RPS7: variants seen among roughly 807,000 people sequenced by gnomAD.
RPS7 encodes the protein ribosomal protein S7, also known as small ribosomal subunit protein eS7.
RPS7 carries 1 observed loss-of-function variant against 22.1 expected under a neutral mutation model. The ratio of observed to expected loss-of-function variants is 0.05; its 90% CI spans 0.02 to 0.21. The LOEUF (loss-of-function observed/expected upper bound fraction) is 0.21. RPS7 is among the 10% of genes least tolerant of loss of function. RPS7 has a pLI of 1.00. For synonymous variants in RPS7, 80 were observed against 92.0 expected, an observed-to-expected ratio of 0.87 and a Z score of 0.74; for missense variants, 137 against 246.4, an observed-to-expected ratio of 0.56 and a Z score of 2.97.
intron 3 of RPS7, chr2:3,576,117 G>C: frequency 1.6e-6 from 1 of 611,464 alleles, no homozygotes; most frequent in Non-Finnish European, 2.9e-6. Context: ...GAGAAACGTG[G>C]AGTAGGGAGG....
In RPS7 at chr2:3,575,371, C is replaced by A. The variant is rs542375330; in HGVS notation, c.-19+21C>A. On this transcript the variant is annotated intron_variant, in intron 1 of 6. Coordinates refer to ENST00000645674, the MANE Select transcript of RPS7 (RefSeq NM_001011.4). ...GCAAGGTAGGTTGGCGGCCTGCTCT[C>A]CGACAGAACTTTTCTTCTTGGGTTG... 1,063 of 558,530 alleles carry A rather than the reference C, an allele frequency of 1.9e-3. 7 individuals carry two copies. The highest frequency in any genetic ancestry group is 3.2e-3 in the Admixed American group (92 of 29,114). The allele number at this position is 558,530 out of a possible 1,614,324, so 34.6% of individuals were successfully genotyped here. A position where few individuals can be genotyped will look rare whatever the true frequency, so the allele number is the denominator to read the frequency against.
At position 3,575,907 on chromosome 2, in the gene RPS7, G is replaced by C; in HGVS notation, c.147+19G>C. On this transcript the variant is annotated intron_variant, in intron 3 of 6. Transcript: ENST00000645674. ...AGCTAAGGTAAGCTGGCGCTCCCTC[G>C]GCTGGGAGGGAGGTTGCGGCGCGTC... 6.4e-7 allele frequency: 1 copy of C among 1,569,780 alleles called. No homozygotes were observed. Among genetic ancestry groups the C allele is most frequent in the Non-Finnish European group, 8.7e-7 (1 of 1,146,506 alleles).
chr2:3,580,737 G>A (rs991837840), intron 6 of RPS7, 68 bp from the exon 7 acceptor site: 11 of 993,826 alleles, frequency 1.1e-5, no homozygotes, highest in Admixed American at 3.4e-5. Context: ...ACAATTTCAC[G>A]AAACTATTAG....
chr2:3,575,692 G>T lies in RPS7; in HGVS notation c.75+8G>T, dbSNP rs1288683238. 4.3e-6 allele frequency: 7 copies of T among 1,610,426 alleles called. No homozygotes were observed. Among genetic ancestry groups the T allele is most frequent in the African/African-American group, 1.3e-5 (1 of 74,922 alleles). On this transcript the variant is annotated splice_region_variant and intron_variant, in intron 2 of 6. Transcript: ENST00000645674. The stretch of plus-strand genomic sequence containing the variant: ...GAGTCCGGCATCTCCCAGGTGAGAG[G>T]GTTTCCCTGGGGTCTGGGGTGGGGG...
At chr2:3,580,354 G>A in intron 6 of RPS7, 94 bp downstream of exon 6, 1 of 1,116,240 alleles carries the variant, frequency 9.0e-7, no homozygotes, top group Non-Finnish European at 1.4e-6. Flanking sequence ...AGCAATGACT[G>A]TAGTAAACTC....
At chr2:3,576,442 C>T (rs550429674) in intron 3 of RPS7, 45 bp from the exon 4 acceptor site, 15 of 1,581,672 alleles carry the variant, frequency 9.5e-6, no homozygotes, top group South Asian at 2.2e-5. Flanking sequence ...ACAACGTTTA[C>T]TTTCTGAAGC....
rs895324651 is a variant in RPS7 at position 3,577,611 on chromosome 2, C to T, written c.292-99C>T. The T allele has an allele frequency of 3.3e-5, 29 of 872,086 alleles. No individual in the cohort carries two copies. The African/African-American group carries it at 4.3e-4, about 13-fold the overall frequency. The allele number at this position is 872,086 out of a possible 1,614,324, so 54.0% of individuals were successfully genotyped here. The stretch of plus-strand genomic sequence containing the variant: ...AGCCTTCTCGAACTTTGAACTTACC[C>T]TGCCATTCTTCTTGCTTTTAAAGCA... On this transcript the variant is annotated intron_variant, in intron 4 of 6. Coordinates refer to ENST00000645674, the MANE Select transcript of RPS7 (RefSeq NM_001011.4).
chr2:3,578,193 C>G (rs1286691909), intron 5 of RPS7: 2 of 166,328 alleles, frequency 1.2e-5, no homozygotes, highest in South Asian at 3.1e-4. Context: ...GTTAAAATAT[C>G]ACTGCAGTTG....
chr2:3,575,836 T>C lies in RPS7; in HGVS notation c.95T>C (p.Met32Thr). The C allele has an allele frequency of 6.2e-7, 1 of 1,612,246 alleles. No homozygotes were observed. Among genetic ancestry groups the C allele is most frequent in the African/African-American group, 1.3e-5 (1 of 75,006 alleles). Residue 32 changes from methionine to threonine, a missense_variant, in exon 3 of 7, where the codon ATG (methionine) becomes ACG (threonine). Coordinates refer to ENST00000645674, the MANE Select transcript of RPS7 (RefSeq NM_001011.4). ...GISQALLELE[M>T]NSDLKAQLRE... is the part of the protein sequence containing the mutation. Reference sequence around the variant, plus strand: ...TCTTAGGCTCTTCTGGAGCTGGAGATGAACTCGGACCTCAAGGCTCAGCTC... The same window carrying C: ...TCTTAGGCTCTTCTGGAGCTGGAGACGAACTCGGACCTCAAGGCTCAGCTC...
At chr2:3,577,998 A>G in intron 5 of RPS7, 1 of 571,562 alleles carries the variant, frequency 1.7e-6, no homozygotes. Context: ...CTGTCACAAG[A>G]TGAGATGATT....
intron 5 of RPS7, chr2:3,579,212 TA>T (rs767908751): frequency 6.3e-4 from 96 of 152,358 alleles, no homozygotes; most frequent in Middle Eastern, 3.4e-3. Context: ...TATGCTTAAT[TA>T]ATGAGTCGCA....
intron 5 of RPS7, chr2:3,577,977 C>T (rs1229928973): frequency 3.4e-6 from 2 of 591,752 alleles, no homozygotes; most frequent in Non-Finnish European, 6.0e-6. Flanking sequence ...TGTTTGCCTA[C>T]TAGGTCAGTG....
intron 1 of RPS7, 36 bp from the exon 2 acceptor site, chr2:3,575,556 G>C (rs546844487): frequency 7.3e-6 from 11 of 1,507,160 alleles, no homozygotes; most frequent in South Asian, 3.4e-5. Context: ...GGCGCCTGCA[G>C]CCCGGGCCGC....
chr2:3,580,026 C>A, intron 5 of RPS7, 84 bp from the exon 6 acceptor site: 2 of 1,283,118 alleles, frequency 1.6e-6, no homozygotes, highest in Non-Finnish European at 2.3e-6. Flanking sequence ...TTTGCATTTT[C>A]ATTTTGACTT....
At chr2:3,578,494 T>C (rs1205580616) in intron 5 of RPS7, 1 of 152,298 alleles carries the variant, frequency 6.6e-6, no homozygotes, top group African/African-American at 2.4e-5. Flanking sequence ...ATTTGCTGAT[T>C]GCAGCTAGTA....
chr2:3,577,219 C>G (rs1661298643), intron 4 of RPS7: 1 of 176,100 alleles, frequency 5.7e-6, no homozygotes, highest in South Asian at 1.1e-4. Flanking sequence ...GCCTGTAGTC[C>G]CAGCTACTCG....
intron 1 of RPS7, 32 bp from the exon 2 acceptor site, chr2:3,575,560 G>A: frequency 6.5e-7 from 1 of 1,530,398 alleles, no homozygotes; most frequent in Non-Finnish European, 9.0e-7. Flanking sequence ...CCTGCAGCCC[G>A]GGCCGCGTAA....
chr2:3,580,716 C>T, intron 6 of RPS7, 89 bp from the exon 7 acceptor site: 1 of 839,056 alleles, frequency 1.2e-6, no homozygotes, highest in Non-Finnish European at 2.1e-6. Flanking sequence ...AGGAGAAAAA[C>T]AATACAGGGC....
intron 5 of RPS7, chr2:3,578,380 T>C (rs1661332670): frequency 6.6e-6 from 1 of 152,306 alleles, no homozygotes; most frequent in Non-Finnish European, 1.5e-5. Flanking sequence ...TCCCTAAGGA[T>C]GAGTTGAAGA....
Sources: allele counts gnomAD v4.1 joint callset, GRCh38; gene constraint gnomAD v4.1.1; transcripts MANE v1.5; gene names NCBI Gene and HGNC (gene_info 2026-07-23, HGNC 2026-07-21).